The following ASIC4 variants were observed in gnomAD, a reference collection of about 807,000 sequenced individuals.
ASIC4 encodes acid-sensing ion channel 4.
In ASIC4, 28 loss-of-function variants were observed where a neutral mutation model predicts 53.4. The observed-to-expected ratio is 0.52, with a 90% CI of 0.39 to 0.72. The LOEUF (loss-of-function observed/expected upper bound fraction) is 0.72, where lower values mean the gene tolerates loss of function less well. Ranked by LOEUF, ASIC4 falls within the 30% of genes least tolerant of loss-of-function variation. The probability of loss-of-function intolerance (pLI) is 0.00; values close to 1 mark genes in which losing one functional copy is unlikely to be tolerated. For synonymous variants in ASIC4, 289 were observed against 301.4 expected (o/e 0.96, Z 0.43); for missense variants, 649 against 729.7 (o/e 0.89, Z 1.27).
upstream of ASIC4, among the ~76,000 whole-genome samples, chr2:219,511,787 G>A (rs1009755489): frequency 2.0e-5 from 3 of 152,128 alleles, no homozygotes; most frequent in African/African-American, 4.8e-5. This position sits in a 1 kb window ranked among gnomAD's most constrained non-coding sequence, Gnocchi z 5.3. Flanking sequence ...AAGCTGGGCC[G>A]GGCCCCAGGG....
At chr2:219,523,677 C>T (rs1694922918) in intron 1 of ASIC4, among the ~76,000 whole-genome samples, 1 of 152,180 alleles carries the variant, frequency 6.6e-6, no homozygotes, top group Non-Finnish European at 1.5e-5. Flanking sequence ...AAATTGAGCT[C>T]CTGTTCCACC....
At chr2:219,532,503 C>G in intron 4 of ASIC4, 26 bp downstream of exon 4, 1 of 1,599,334 alleles carries the variant, frequency 6.3e-7, no homozygotes, top group Non-Finnish European at 8.5e-7. Flanking sequence ...CCAGCCAGCC[C>G]TCCATGCCAC....
chr2:219,536,985 G>C lies in ASIC4; in HGVS notation c.1230-81G>C, dbSNP rs1466473361. 5 of 1,244,816 alleles carry C rather than the reference G, an allele frequency of 4.0e-6. No homozygotes were observed. The South Asian group carries it at 6.4e-5, about 16-fold the overall frequency. 77.1% of individuals were successfully genotyped at this position (1,244,816 alleles called of 1,614,324 possible). ...TCCCCATGTAGTGATCTCTGATCAG[G>C]ATCTGCTGGATCCAGGATGCCCCTG... On this transcript the variant is annotated intron_variant, in intron 6 of 9. Coordinates refer to ENST00000358078, the MANE Select transcript of ASIC4 (RefSeq NM_018674.6). The surrounding 1 kb of genome is among the most constrained non-coding windows in gnomAD (Gnocchi z 4.6).
rs771672390 is a variant in ASIC4 at position 219,537,083 on chromosome 2, T to C, written c.1247T>C (p.Leu416Pro). Residue 416 changes from leucine (L) to proline (P), a missense_variant, in exon 7 of 10, where the codon CTA becomes CCA. Coordinates refer to ENST00000358078, the MANE Select transcript of ASIC4 (RefSeq NM_018674.6). This position sits in a 1 kb window ranked among gnomAD's most constrained non-coding sequence, Gnocchi z 4.9. Reference sequence around the variant, plus strand: ...CTCCACAGGGAGAACTTCCTGGTCCTAGATGTCTTCTTTGAGGCCCTGACC... The same window carrying C: ...CTCCACAGGGAGAACTTCCTGGTCCCAGATGTCTTCTTTGAGGCCCTGACC... ...ETYIRENFLV[L>P]DVFFEALTSE... 6.2e-7 allele frequency: 1 copy of C among 1,614,122 alleles called. No homozygotes were observed. The highest frequency in any genetic ancestry group is 1.1e-5 in the South Asian group (1 of 91,078).
rs997603118 is a variant in ASIC4, at chr2:219,538,505, G to A, written c.*459G>A. On this transcript the variant is annotated 3_prime_UTR_variant, in exon 10 of 10. Coordinates refer to ENST00000358078, the MANE Select transcript of ASIC4 (RefSeq NM_018674.6). ...GGATAGGGAGAGCCCCAGGACTCAG[G>A]AGTGCTGGGCTGGTCCTACTTCCTG... 1 of 190,506 alleles carries A rather than the reference G, an allele frequency of 5.2e-6. No homozygotes were observed. The highest frequency in any genetic ancestry group is 1.1e-5 in the Non-Finnish European group (1 of 90,888). 11.8% of individuals were successfully genotyped at this position (190,506 alleles called of 1,614,324 possible).
rs1695183424 is a variant in ASIC4 at position 219,538,287 on chromosome 2, C to CGGAGAGGAAGGGAAGGAA, written c.*249_*266dup. On this transcript the variant is annotated 3_prime_UTR_variant, in exon 10 of 10. Transcript: ENST00000358078. ...CTGGAGACCAGGCCATGGGCCCTCACGGAGAGGAAGGGAAGGAAGGAGAGG... is the reference window on the plus strand; with the variant it reads ...CTGGAGACCAGGCCATGGGCCCTCACGGAGAGGAAGGGAAGGAAGGAGAGGAAGGGAAGGAAGGAGAGG... 1 of 480,144 alleles carries CGGAGAGGAAGGGAAGGAA rather than the reference C, an allele frequency of 2.1e-6. No homozygotes were observed. The highest frequency in any genetic ancestry group is 3.7e-6 in the Non-Finnish European group (1 of 267,536). The allele number at this position is 480,144 out of a possible 1,614,324, so 29.7% of individuals were successfully genotyped here. A position where few individuals can be genotyped will look rare whatever the true frequency, so the allele number is the denominator to read the frequency against.
chr2:219,515,930 C>T (rs1007085718), intron 1 of ASIC4, among the ~76,000 whole-genome samples: 2 of 152,172 alleles, frequency 1.3e-5, no homozygotes, highest in African/African-American at 4.8e-5. Flanking sequence ...CCCTCCAGCC[C>T]TCCTGGGGTC....
In ASIC4 at chr2:219,531,880, C is replaced by T. The variant is rs1244204684; in HGVS notation, c.705C>T (p.Tyr235=). The change falls in exon 2 of 10, where the codon TAC becomes TAT. Residue 235 remains tyrosine, a synonymous_variant. Transcript: ENST00000358078. ...TGCTGGACATCCAGCAGGAGGAGTA[C>T]CTGCCCATCTGGAGGGAGACAAGTA... The part of the protein sequence containing the change: ...EIMLDIQQEE[Y]LPIWRETNET... The T allele has an allele frequency of 1.2e-6, 2 of 1,612,120 alleles. No homozygotes were observed. Among genetic ancestry groups the T allele is most frequent in the East Asian group, 2.2e-5 (1 of 44,860 alleles).
chr2:219,531,979 G>T (rs761632057), intron 2 of ASIC4, 22 bp from the exon 3 acceptor site: 6 of 1,613,956 alleles, frequency 3.7e-6, no homozygotes, highest in Non-Finnish European at 5.1e-6. Flanking sequence ...GGTTTCCAAA[G>T]GTCCCCATCT....
chr2:219,519,772 G>A (rs935828859), intron 1 of ASIC4, among the ~76,000 whole-genome samples: 1 of 152,188 alleles, frequency 6.6e-6, no homozygotes, highest in Admixed American at 6.5e-5. Flanking sequence ...GGGCAGGGCT[G>A]GGATTACAAC....
chr2:219,538,040 T>C lies in ASIC4; in HGVS notation c.1614T>C (p.Ala538=), dbSNP rs755713588. Residue 538 remains alanine, a synonymous_variant, in exon 10 of 10, where the codon GCT becomes GCC. Coordinates refer to ENST00000358078, the MANE Select transcript of ASIC4 (RefSeq NM_018674.6). ...GPPGGLFEDF[A]C Reference sequence around the variant, plus strand: ...CAGGAGGTCTCTTTGAAGATTTTGCTTGCTAGGACGGTGCTGTGACTGAAA... The same window carrying C: ...CAGGAGGTCTCTTTGAAGATTTTGCCTGCTAGGACGGTGCTGTGACTGAAA... 9.3e-6 allele frequency: 15 copies of C among 1,612,222 alleles called. No individual in the cohort carries two copies. In the Admixed American group the frequency reaches 2.3e-4, roughly 25 times the overall value.
the ASIC4 span, among the ~76,000 whole-genome samples, chr2:219,508,147 G>T: frequency 1.3e-5 from 2 of 152,144 alleles, no homozygotes; most frequent in Admixed American, 1.3e-4. Context: ...GGAGTGGGAG[G>T]GGGCTGCAGG....
At chr2:219,510,442 C>T (rs1575231128), upstream of ASIC4, among the ~76,000 whole-genome samples, 2 of 152,308 alleles carry the variant, frequency 1.3e-5, no homozygotes, top group East Asian at 3.9e-4. This position sits in a 1 kb window ranked among gnomAD's most constrained non-coding sequence, Gnocchi z 5.2. Flanking sequence ...CCTCTGCAGC[C>T]TCAGCTCCGA....
At chr2:219,522,844 A>C (rs1694909282) in intron 1 of ASIC4, among the ~76,000 whole-genome samples, 1 of 152,124 alleles carries the variant, frequency 6.6e-6, no homozygotes, top group African/African-American at 2.4e-5. Context: ...GGGGGAATGC[A>C]AATGAGGCAG....
At chr2:219,534,529 C>G (rs1695095877) in intron 5 of ASIC4, among the ~76,000 whole-genome samples, 1 of 152,212 alleles carries the variant, frequency 6.6e-6, no homozygotes, top group Admixed American at 6.5e-5. Flanking sequence ...CATCTCTTCC[C>G]TCTCACCTTC....
chr2:219,532,053 G>A lies in ASIC4; in HGVS notation c.780G>A (p.Glu260=), dbSNP rs773833798. The change falls in exon 3 of 10, where the codon GAG becomes GAA. Residue 260 remains glutamate (E), a synonymous_variant. Transcript: ENST00000358078. ...GGGTGCAGATCCACAGCCAGGAGGA[G>A]CCGCCCTACATCCACCAGCTGGGGT... ...GIRVQIHSQE[E]PPYIHQLGFG... is the part of the protein sequence containing the mutation. The A allele has an allele frequency of 8.1e-6, 13 of 1,614,142 alleles. No homozygotes were observed. The highest frequency in any genetic ancestry group is 1.1e-5 in the Non-Finnish European group (13 of 1,180,054).
Position 219,535,325 on chromosome 2 carries a change from G to A in ASIC4, c.1229+1G>A. 3 of 1,588,966 alleles carry A rather than the reference G, an allele frequency of 1.9e-6. No individual in the cohort carries two copies. Among genetic ancestry groups the A allele is most frequent in the East Asian group, 2.3e-5 (1 of 43,910 alleles). ...ACAACCGCAACGAGACCTACATACG[G>A]TATGTGTGTGTGTGTGTGGGGGGTG... On this transcript the variant is annotated splice_donor_variant, in intron 6 of 9. Transcript: ENST00000358078. LOFTEE classifies it high-confidence loss of function.
At chr2:219,507,620 C>T in the ASIC4 span, among the ~76,000 whole-genome samples, 1 of 152,314 alleles carries the variant, frequency 6.6e-6, no homozygotes, top group East Asian at 1.9e-4. Context: ...GGTCTCAGCC[C>T]TCCTCTCCCA....
chr2:219,511,129 G>A (rs1441349196), upstream of ASIC4, among the ~76,000 whole-genome samples: 2 of 152,160 alleles, frequency 1.3e-5, no homozygotes, highest in Non-Finnish European at 1.5e-5. The surrounding 1 kb of genome is among the most constrained non-coding windows in gnomAD (Gnocchi z 5.3). Flanking sequence ...GGGAGGCTGG[G>A]CATCTTTTGG....
Sources: allele counts gnomAD v4.1 joint callset (sites outside exome capture counted in the v4.1 genomes callset), GRCh38; gene constraint gnomAD v4.1.1; non-coding constraint Gnocchi (gnomAD v3.1); transcripts MANE v1.5; gene names NCBI Gene and HGNC (gene_info 2026-07-23, HGNC 2026-07-21).